The following KSR2 variants were observed in gnomAD, a reference collection of about 807,000 sequenced individuals.
KSR2 encodes the protein kinase suppressor of ras 2.
Under a neutral mutation model 107.8 loss-of-function variants are expected in KSR2, and 25 were observed. The observed-to-expected ratio is 0.23, with a 90% CI of 0.17 to 0.32. KSR2 has a LOEUF of 0.32. KSR2 is among the 10% of genes least tolerant of loss of function. The pLI is 1.00. For synonymous variants in KSR2, 480 were observed against 507.0 expected, an observed-to-expected ratio of 0.95 and a Z score of 0.71; for missense variants, 887 against 1,268.9, an observed-to-expected ratio of 0.70 and a Z score of 4.57.
chr12:117,861,828 T>C (rs539582631), intron 1 of KSR2, among the ~76,000 whole-genome samples: 1 of 152,198 alleles, frequency 6.6e-6, no homozygotes, highest in Non-Finnish European at 1.5e-5. Flanking sequence ...TAAAATGAGA[T>C]AGACCTGAAC....
intron 1 of KSR2, among the ~76,000 whole-genome samples, chr12:117,965,863 C>T (rs529439021): frequency 6.6e-6 from 1 of 152,158 alleles, no homozygotes; most frequent in African/African-American, 2.4e-5. Context: ...TAGAAAATTC[C>T]GTGGACCCAA....
intron 4 of KSR2, among the ~76,000 whole-genome samples, chr12:117,673,241 T>C (rs980199727): frequency 2.7e-5 from 4 of 150,424 alleles, no homozygotes; most frequent in African/African-American, 9.8e-5. Flanking sequence ...GATAAAAGAA[T>C]GGAAAGAAGG....
At chr12:117,928,585 G>A (rs1386976391) in intron 1 of KSR2, among the ~76,000 whole-genome samples, 1 of 152,160 alleles carries the variant, frequency 6.6e-6, no homozygotes. Context: ...CACTTGGGTT[G>A]GTTCCACCTT....
At chr12:117,882,618 TATCCATCC>T (rs368662734) in intron 1 of KSR2, among the ~76,000 whole-genome samples, 1 of 138,752 alleles carries the variant, frequency 7.2e-6, no homozygotes, top group East Asian at 2.3e-4. Context: ...TCCTTCCATC[TATCCATCC>T]ATCCATCCAT....
intron 1 of KSR2, among the ~76,000 whole-genome samples, chr12:117,967,174 AAAT>A (rs1896822841): frequency 6.7e-6 from 1 of 150,296 alleles, no homozygotes. Context: ...CTTCAGAAAA[AAAT>A]AATTTCTGCC....
intron 1 of KSR2, among the ~76,000 whole-genome samples, chr12:117,884,507 G>C (rs1894116592): frequency 6.6e-6 from 1 of 152,134 alleles, no homozygotes; most frequent in South Asian, 2.1e-4. Flanking sequence ...TAGCAGCAAG[G>C]GGGAGAAGCA....
At chr12:117,572,319 C>T (rs992576345) in intron 7 of KSR2, among the ~76,000 whole-genome samples, 2 of 152,124 alleles carry the variant, frequency 1.3e-5, no homozygotes, top group Non-Finnish European at 2.9e-5. Flanking sequence ...AGTACAAATA[C>T]GAAGTATCTG....
chr12:117,861,339 G>A (rs978929759), intron 1 of KSR2, among the ~76,000 whole-genome samples: 3 of 133,288 alleles, frequency 2.3e-5, no homozygotes, highest in Non-Finnish European at 4.7e-5. Flanking sequence ...GTATATCTTT[G>A]TAAATACAGA....
At chr12:117,864,514 T>C (rs560148940) in intron 1 of KSR2, among the ~76,000 whole-genome samples, 5 of 152,234 alleles carry the variant, frequency 3.3e-5, no homozygotes, top group Non-Finnish European at 7.3e-5. Flanking sequence ...ACGTGAGTTC[T>C]GGGCTACATT....
chr12:117,619,998 A>G (rs1193678645), intron 5 of KSR2, among the ~76,000 whole-genome samples: 1 of 151,998 alleles, frequency 6.6e-6, no homozygotes, highest in Non-Finnish European at 1.5e-5. Flanking sequence ...GTCTCCATAT[A>G]TTTGCCTTTG....
intron 4 of KSR2, among the ~76,000 whole-genome samples, chr12:117,730,267 C>T (rs1437574801): frequency 6.6e-6 from 1 of 152,188 alleles, no homozygotes; most frequent in Admixed American, 6.5e-5. Flanking sequence ...ATCCTCCATA[C>T]CTCAGTTTCA....
At chr12:117,572,869 G>A (rs1403071593) in intron 7 of KSR2, among the ~76,000 whole-genome samples, 1 of 152,156 alleles carries the variant, frequency 6.6e-6, no homozygotes, top group East Asian at 1.9e-4. Context: ...GAAATTTGTG[G>A]AAGGACCCTG....
At chr12:117,736,857 C>T (rs984723172) in intron 4 of KSR2, among the ~76,000 whole-genome samples, 2 of 150,216 alleles carry the variant, frequency 1.3e-5, no homozygotes, top group Admixed American at 1.3e-4. Context: ...AAAGAGTAAA[C>T]ATCAGTTTAC....
intron 3 of KSR2, among the ~76,000 whole-genome samples, chr12:117,850,342 G>A (rs1390852840): frequency 1.3e-5 from 2 of 152,162 alleles, no homozygotes; most frequent in Admixed American, 6.6e-5. Flanking sequence ...CTGGGCCTGG[G>A]GAAGAGCAGG....
intron 14 of KSR2, among the ~76,000 whole-genome samples, chr12:117,517,113 G>A (rs1419892127): frequency 6.6e-6 from 1 of 152,160 alleles, no homozygotes; most frequent in African/African-American, 2.4e-5. Flanking sequence ...CCAAAAGAAG[G>A]ACATGGTTTG....
At chr12:117,808,614 TG>T (rs1390943739) in intron 3 of KSR2, among the ~76,000 whole-genome samples, 3 of 152,174 alleles carry the variant, frequency 2.0e-5, no homozygotes, top group Non-Finnish European at 2.9e-5. Flanking sequence ...ATTACTTCCA[TG>T]ATCACTAAGA....
intron 7 of KSR2, among the ~76,000 whole-genome samples, chr12:117,570,377 C>T (rs1480126531): frequency 6.6e-6 from 1 of 152,102 alleles, no homozygotes; most frequent in Non-Finnish European, 1.5e-5. Flanking sequence ...TGGTGTTAAA[C>T]ATCCTCCAAC....
chr12:117,620,367 C>A (rs1260779662), intron 5 of KSR2, among the ~76,000 whole-genome samples: 1 of 152,112 alleles, frequency 6.6e-6, no homozygotes, highest in Non-Finnish European at 1.5e-5. Flanking sequence ...ACAAATTTAT[C>A]CTATATTAGT....
intron 14 of KSR2, among the ~76,000 whole-genome samples, chr12:117,508,288 T>A (rs1488752053): frequency 6.6e-6 from 1 of 152,204 alleles, no homozygotes; most frequent in Admixed American, 6.5e-5. Context: ...CTGGCCATCA[T>A]GTCTTGCCTC....
Sources: gnomAD v4.1 joint callset for allele counts (sites outside exome capture counted in the v4.1 genomes callset) on GRCh38, gnomAD v4.1.1 for gene constraint, MANE v1.5 for transcripts, NCBI Gene and HGNC (gene_info 2026-07-23, HGNC 2026-07-21) for gene names.